The following TECRL variants were observed in gnomAD, a reference collection of about 807,000 sequenced individuals.
TECRL encodes trans-2,3-enoyl-CoA reductase like, also known as trans-2,3-enoyl-CoA reductase-like.
In TECRL, 63 loss-of-function variants were observed where a neutral mutation model predicts 52.8. That is an observed-to-expected ratio of 1.19 (90% confidence interval 0.97 to 1.47). The LOEUF (loss-of-function observed/expected upper bound fraction) is 1.47, where lower values mean the gene tolerates loss of function less well. Among genes scored for constraint, TECRL ranks in the 40% most tolerant of loss-of-function variants. The pLI, the probability that TECRL is intolerant of heterozygous loss-of-function variation, is 0.00. For synonymous variants in TECRL, 164 were observed against 141.9 expected, an observed-to-expected ratio of 1.16 and a Z score of -1.10; for missense variants, 482 against 429.6, an observed-to-expected ratio of 1.12 and a Z score of -1.08.
intron 1 of TECRL, among the ~76,000 whole-genome samples, chr4:64,402,193 T>C (rs1342757099): frequency 6.6e-6 from 1 of 152,108 alleles, no homozygotes; most frequent in African/African-American, 2.4e-5. Flanking sequence ...TTCAAATGTT[T>C]GAATCATGGC....
At chr4:64,359,157 G>A (rs759395060) in intron 2 of TECRL, among the ~76,000 whole-genome samples, 15 of 151,742 alleles carry the variant, frequency 9.9e-5, no homozygotes, top group Non-Finnish European at 2.1e-4. Flanking sequence ...TCCTGTTAAT[G>A]CATGCAATTA....
chr4:64,394,554 C>A (rs151126451), intron 1 of TECRL, among the ~76,000 whole-genome samples: 1 of 152,098 alleles, frequency 6.6e-6, no homozygotes, highest in Non-Finnish European at 1.5e-5. Flanking sequence ...ATTTTACATA[C>A]ATTTTACAAA....
Position 64,321,056 on chromosome 4 carries a change from A to G in TECRL, c.435+1633T>C, listed in dbSNP as rs562504029. ...TCCTTACTGTACTGCAAACACGACC[A>G]TAGAACATTGGCAGCTTCTTTTCTC... On this transcript the variant is annotated intron_variant, in intron 4 of 11. Transcript: ENST00000381210. Among the ~76,000 whole-genome samples, 9 of 152,186 alleles carry G rather than the reference A, an allele frequency of 5.9e-5. No individual in the cohort carries two copies. In the East Asian group the frequency reaches 1.7e-3, roughly 29 times the overall value.
At chr4:64,372,440 T>C (rs889820966) in intron 2 of TECRL, among the ~76,000 whole-genome samples, 2 of 151,854 alleles carry the variant, frequency 1.3e-5, no homozygotes, top group Admixed American at 6.6e-5. Context: ...AGAGTGGTTT[T>C]CTCTCTTTCT....
chr4:64,399,942 G>A (rs1489937943), intron 1 of TECRL, among the ~76,000 whole-genome samples: 5 of 152,112 alleles, frequency 3.3e-5, no homozygotes, highest in Admixed American at 6.6e-5. Flanking sequence ...GTCCTCACTG[G>A]GGCACTGCCT....
At chr4:64,313,861 T>C (rs1028822062) in intron 5 of TECRL, among the ~76,000 whole-genome samples, 1 of 147,322 alleles carries the variant, frequency 6.8e-6, no homozygotes, top group Non-Finnish European at 1.5e-5. Flanking sequence ...TGGCCGGGCG[T>C]GGTGGCTCAT....
At chr4:64,359,222 G>A (rs1242784852) in intron 2 of TECRL, among the ~76,000 whole-genome samples, 2 of 151,838 alleles carry the variant, frequency 1.3e-5, no homozygotes, top group Non-Finnish European at 2.9e-5. Context: ...TAAAGTTTGA[G>A]AGTCTTTCTT....
intron 4 of TECRL, among the ~76,000 whole-genome samples, chr4:64,317,646 T>C (rs1348823451): frequency 6.6e-6 from 1 of 152,232 alleles, no homozygotes; most frequent in Non-Finnish European, 1.5e-5. Context: ...AGTATCCTGC[T>C]AGATAAAGAT....
intron 8 of TECRL, among the ~76,000 whole-genome samples, chr4:64,298,478 TAAC>T (rs1285214103): frequency 6.6e-6 from 1 of 151,274 alleles, no homozygotes; most frequent in Non-Finnish European, 1.5e-5. Context: ...TTATGCCTCT[TAAC>T]ATTTTATGAA....
chr4:64,298,402 A>T (rs1723808578), intron 8 of TECRL, among the ~76,000 whole-genome samples: 1 of 151,276 alleles, frequency 6.6e-6, no homozygotes, highest in Admixed American at 6.6e-5. Context: ...ATAAGAAAGC[A>T]GAATTTTTAA....
chr4:64,293,769 C>T (rs1418701708), intron 8 of TECRL, among the ~76,000 whole-genome samples: 4 of 151,832 alleles, frequency 2.6e-5, no homozygotes, highest in Non-Finnish European at 5.9e-5. Flanking sequence ...GAATTGGTAG[C>T]CATCAATTAG....
downstream of TECRL, chr4:64,277,197 T>TG: frequency 2.1e-6 from 1 of 483,940 alleles, no homozygotes; most frequent in East Asian, 3.1e-5. Flanking sequence ...TGTAGTATAA[T>TG]GGGAAAAAAA....
intron 7 of TECRL, among the ~76,000 whole-genome samples, chr4:64,300,606 G>A (rs1471275052): frequency 1.3e-5 from 2 of 150,682 alleles, no homozygotes; most frequent in African/African-American, 4.8e-5. Context: ...GGAAAAGTTG[G>A]AATATTCAAT....
At chr4:64,312,366 T>C (rs752091524) in intron 5 of TECRL, among the ~76,000 whole-genome samples, 20 of 152,216 alleles carry the variant, frequency 1.3e-4, no homozygotes, top group Non-Finnish European at 2.9e-4. Flanking sequence ...GTGTATCTGC[T>C]GTGGAATTAC....
intron 3 of TECRL, among the ~76,000 whole-genome samples, chr4:64,325,361 G>A (rs1718192629): frequency 6.6e-6 from 1 of 152,102 alleles, no homozygotes; most frequent in Non-Finnish European, 1.5e-5. Flanking sequence ...GGAGCACCAG[G>A]GAACAAGCAT....
Position 64,279,909 on chromosome 4 carries a change from T to G in TECRL, c.*163A>C. 2 of 1,221,012 alleles carry G rather than the reference T, an allele frequency of 1.6e-6. No individual in the cohort carries two copies. The highest frequency in any genetic ancestry group is 2.0e-6 in the Non-Finnish European group (2 of 975,788). The allele number at this position is 1,221,012 out of a possible 1,614,324, so 75.6% of individuals were successfully genotyped here. A position where few individuals can be genotyped will look rare whatever the true frequency, so the allele number is the denominator to read the frequency against. On this transcript the variant is annotated 3_prime_UTR_variant, in exon 12 of 12. Coordinates refer to ENST00000381210, the MANE Select transcript of TECRL (RefSeq NM_001010874.5). ...ATAATTTATACTTTTTATTACCATG[T>G]GCATTTCTCTAAATTTAGTGAAATT...
At chr4:64,277,671 A>C (rs1722620348), downstream of TECRL, 1 of 151,842 alleles carries the variant, frequency 6.6e-6, no homozygotes, top group Non-Finnish European at 1.5e-5. Flanking sequence ...GTATATGTAT[A>C]TATTGTCATA....
intron 2 of TECRL, among the ~76,000 whole-genome samples, chr4:64,352,787 G>T (rs1720488443): frequency 6.6e-6 from 1 of 152,190 alleles, no homozygotes. Flanking sequence ...CAGATTCAAA[G>T]TATGTTCTTG....
chr4:64,312,522 G>C (rs1248156032), intron 5 of TECRL, among the ~76,000 whole-genome samples: 1 of 152,138 alleles, frequency 6.6e-6, no homozygotes, highest in South Asian at 2.1e-4. Flanking sequence ...GGCACTTTGC[G>C]AGACTGAGGC....
Sources: allele counts gnomAD v4.1 joint callset (sites outside exome capture counted in the v4.1 genomes callset), GRCh38; gene constraint gnomAD v4.1.1; transcripts MANE v1.5; gene names NCBI Gene and HGNC (gene_info 2026-07-23, HGNC 2026-07-21).